The following RHOT1 variants were observed in gnomAD, a reference collection of about 807,000 sequenced individuals.
RHOT1 encodes ras homolog family member T1.
A neutral mutation model predicts 95.3 loss-of-function variants in RHOT1; 27 were observed. The observed-to-expected ratio is 0.28, with a 90% confidence interval of 0.21 to 0.39. The LOEUF (loss-of-function observed/expected upper bound fraction) is 0.39, where lower values mean the gene tolerates loss of function less well. Among genes scored for constraint, RHOT1 ranks in the 10% least tolerant of loss-of-function variants. The pLI, the probability that RHOT1 is intolerant of heterozygous loss-of-function variation, is 1.00. For synonymous variants in RHOT1, 227 were observed against 263.5 expected (o/e 0.86, Z 1.34); for missense variants, 578 against 786.7 (o/e 0.73, Z 3.17).
chr17:32,197,621 G>T (rs1216408578), intron 11 of RHOT1, among the ~76,000 whole-genome samples: 3 of 151,894 alleles, frequency 2.0e-5, no homozygotes, highest in Admixed American at 2.0e-4. Flanking sequence ...GTAGAGACGG[G>T]GTTTCACCGT....
chr17:32,175,375 A>G lies in RHOT1; in HGVS notation c.222+13A>G, dbSNP rs1567678210. 2.5e-6 allele frequency: 4 copies of G among 1,609,722 alleles called. No individual in the cohort carries two copies. The highest frequency in any genetic ancestry group is 3.4e-6 in the Non-Finnish European group (4 of 1,175,996). ...AGAAATATCTCAGGTGAGCTTTAAA[A>G]AACAGAGGTGTGGGGTTTTGTGTAG... On this transcript the variant is annotated intron_variant, in intron 4 of 19. Transcript: ENST00000545287.
chr17:32,170,713 G>A lies in RHOT1; in HGVS notation c.38-330G>A, dbSNP rs561206872. Among the ~76,000 whole-genome samples, 386 of 152,286 alleles carry A rather than the reference G, an allele frequency of 2.5e-3. 4 individuals are homozygous for A. The highest frequency in any genetic ancestry group is 8.8e-3 in the African/African-American group (365 of 41,568). On this transcript the variant is annotated intron_variant, in intron 1 of 19. Transcript: ENST00000545287. ...CATAATTAAGTGATAAAGGAAAATT[G>A]CAAAGTAGTGTGATAACTATGATTC...
intron 1 of RHOT1, among the ~76,000 whole-genome samples, chr17:32,168,951 A>G (rs192715373): frequency 1.1e-3 from 168 of 152,364 alleles, no homozygotes; most frequent in African/African-American, 4.0e-3. Context: ...GGACATCATC[A>G]GAACTCAGTG....
At position 32,199,450 on chromosome 17, in the gene RHOT1, A is replaced by G. The variant is rs1240103917; in HGVS notation, c.1000A>G (p.Lys334Glu). Reference protein sequence around the residue: ...LSPDELKDLFKVFPYIPWGPD... With the variant: ...LSPDELKDLFEVFPYIPWGPD... ...ACCTGATGAGCTTAAAGATTTATTT[A>G]AAGTTTTCCCTTACATACCTTGGGG... is the stretch of plus-strand genomic sequence containing the variant. Residue 334 changes from lysine (K) to glutamate (E), a missense_variant, in exon 13 of 20, where the codon AAA becomes GAA. Coordinates refer to ENST00000545287, the MANE Select transcript of RHOT1 (RefSeq NM_001033566.3). 2.5e-6 allele frequency: 4 copies of G among 1,613,382 alleles called. No individual in the cohort carries two copies. The South Asian group carries it at 4.4e-5, about 18-fold the overall frequency.
chr17:32,200,747 G>A (rs909518577), intron 13 of RHOT1, among the ~76,000 whole-genome samples: 6 of 151,008 alleles, frequency 4.0e-5, no homozygotes, highest in Non-Finnish European at 8.8e-5. Flanking sequence ...GCACTCTAGC[G>A]TGGATGACAA....
intron 1 of RHOT1, among the ~76,000 whole-genome samples, chr17:32,168,581 A>T (rs2034308288): frequency 6.6e-6 from 1 of 150,570 alleles, no homozygotes; most frequent in Admixed American, 6.6e-5. Context: ...ACATATATAT[A>T]TACACACACA....
chr17:32,150,896 T>C (rs1322726884), intron 1 of RHOT1: 2 of 1,546,538 alleles, frequency 1.3e-6, no homozygotes, highest in Admixed American at 3.7e-5. Flanking sequence ...CTGGGGGATG[T>C]TCTGGGGGAG....
chr17:32,174,043 T>C, intron 3 of RHOT1, 131 bp downstream of exon 3: 1 of 680,362 alleles, frequency 1.5e-6, no homozygotes. Context: ...CCTTTACGAT[T>C]CTTATCTCAT....
chr17:32,159,118 C>T (rs2033276178), intron 1 of RHOT1, among the ~76,000 whole-genome samples: 2 of 152,178 alleles, frequency 1.3e-5, no homozygotes, highest in African/African-American at 2.4e-5. Flanking sequence ...CATGAGCACC[C>T]GGCTGAAGGC....
chr17:32,149,633 A>ATGTGTGTGTGTGTG (rs1233010217), intron 1 of RHOT1, among the ~76,000 whole-genome samples: 35 of 81,268 alleles, frequency 4.3e-4, no homozygotes, highest in Non-Finnish European at 7.3e-4. Flanking sequence ...ATATATATAT[A>ATGTGTGTGTGTGTG]TATGTGTGTG....
intron 9 of RHOT1, among the ~76,000 whole-genome samples, chr17:32,192,815 G>A (rs962481239): frequency 2.0e-5 from 3 of 152,018 alleles, no homozygotes; most frequent in African/African-American, 7.2e-5. Flanking sequence ...AGGACTACAG[G>A]CATGCGCCAC....
chr17:32,218,519 AAAAC>A (rs1245853154), intron 19 of RHOT1, among the ~76,000 whole-genome samples: 8 of 150,504 alleles, frequency 5.3e-5, no homozygotes, highest in Non-Finnish European at 4.4e-5. Context: ...AAAAAAAAAA[AAAAC>A]AGAGCTGGGC....
At chr17:32,186,012 AC>A (rs751393238) in intron 8 of RHOT1, among the ~76,000 whole-genome samples, 10 of 151,924 alleles carry the variant, frequency 6.6e-5, no homozygotes, top group Admixed American at 3.3e-4. Context: ...ATGACCCAAC[AC>A]TCCTGGCCTG....
intron 1 of RHOT1, among the ~76,000 whole-genome samples, chr17:32,152,275 A>C (rs2032409473): frequency 6.6e-6 from 1 of 152,222 alleles, no homozygotes; most frequent in South Asian, 2.1e-4. Context: ...GACCTGGTGT[A>C]CTTTGGCGGG....
chr17:32,211,117 C>T lies in RHOT1; in HGVS notation c.1741C>T (p.His581Tyr). The T allele has an allele frequency of 6.2e-7, 1 of 1,601,336 alleles. No homozygotes were observed. The highest frequency in any genetic ancestry group is 8.5e-7 in the Non-Finnish European group (1 of 1,170,536). The stretch of plus-strand genomic sequence containing the variant: ...CTGTCCTTCTGTGTGTTTTCGCAGC[C>T]ATGCCCGGTTACGCTGTATGTGCAC... ...VKLTTMAMYP[H>Y]ARLRCMCTCN... Residue 581 changes from histidine to tyrosine, a missense_variant and splice_region_variant, in exon 19 of 20, where the codon CAT becomes TAT. By Grantham distance (83) the His-to-Tyr change is moderately conservative (BLOSUM62 2). This residue lies in a region of RHOT1 where 296 missense variants were observed against 338.5 expected (regional missense o/e 0.87). Transcript: ENST00000545287.
At position 32,182,327 on chromosome 17, in the gene RHOT1, T is replaced by TAAA. The variant is rs1567688679; in HGVS notation, c.330-430_330-429insAAA. Reference sequence around the variant, plus strand: ...ACCCTTCTCTACAAAAAAAAAAAATTTTTTTTTAATTTGCTGGATGTGGTG... The same window carrying TAAA: ...ACCCTTCTCTACAAAAAAAAAAAATTAAATTTTTTTAATTTGCTGGATGTGGTG... On this transcript the variant is annotated intron_variant, in intron 6 of 19. Coordinates refer to ENST00000545287, the MANE Select transcript of RHOT1 (RefSeq NM_001033566.3). Among the ~76,000 whole-genome samples the TAAA allele has an allele frequency of 5.9e-3, 887 of 150,450 alleles. 6 individuals carry two copies. The highest frequency in any genetic ancestry group is 0.02 in the African/African-American group (817 of 40,170).
chr17:32,209,222 T>C (rs1401516579), intron 18 of RHOT1: 2 of 469,018 alleles, frequency 4.3e-6, no homozygotes, highest in Non-Finnish European at 7.4e-6. Flanking sequence ...TAATACTTTT[T>C]TTAGATGCAA....
intron 6 of RHOT1, among the ~76,000 whole-genome samples, chr17:32,176,624 G>A (rs2035030917): frequency 6.6e-6 from 1 of 151,690 alleles, no homozygotes; most frequent in South Asian, 2.1e-4. Flanking sequence ...CCAGGCTGGA[G>A]TATAGGAGCA....
At chr17:32,184,461 T>C (rs574416795) in intron 8 of RHOT1, among the ~76,000 whole-genome samples, 2 of 152,162 alleles carry the variant, frequency 1.3e-5, no homozygotes, top group African/African-American at 4.8e-5. Context: ...ATAAACCATG[T>C]TTTTGGTGGG....
Sources: allele counts gnomAD v4.1 joint callset (sites outside exome capture counted in the v4.1 genomes callset), GRCh38; gene constraint gnomAD v4.1.1; regional missense constraint gnomAD v4.1.1; transcripts MANE v1.5; gene names NCBI Gene and HGNC (gene_info 2026-07-23, HGNC 2026-07-21).